ABCC8: variants seen among roughly 807,000 people sequenced by gnomAD.
ABCC8 encodes ATP-binding cassette sub-family C member 8.
ABCC8 carries 137 observed loss-of-function variants against 188.0 expected under a neutral mutation model. That is an observed-to-expected ratio of 0.73 (90% CI 0.63 to 0.84). The LOEUF is 0.84. ABCC8 is among the 40% of genes least tolerant of loss of function. ABCC8 has a pLI of 0.00. For missense variants in ABCC8, 1,750 were observed against 2,072.7 expected (o/e 0.84, Z 3.02); for synonymous variants, 797 against 846.5 (o/e 0.94, Z 1.01).
chr11:17,397,952 C>T (rs999764920), intron 30 of ABCC8, 155 bp from the exon 31 acceptor site: 8 of 944,960 alleles, frequency 8.5e-6, no homozygotes, highest in African/African-American at 1.8e-5. Flanking sequence ...ACAAGGGCTG[C>T]GAAGGCTGGA....
intron 20 of ABCC8, chr11:17,413,074 G>A: frequency 1.7e-6 from 1 of 602,856 alleles, no homozygotes; most frequent in Non-Finnish European, 2.9e-6. Context: ...CTTGTGGAGG[G>A]GACCCCATCT....
At position 17,434,981 on chromosome 11, in the gene ABCC8, T is replaced by TCG. The variant is rs1554928874; in HGVS notation, c.1631-2739_1631-2738dup. On this transcript the variant is annotated intron_variant, in intron 10 of 38. Coordinates refer to ENST00000389817, the MANE Select transcript of ABCC8 (RefSeq NM_000352.6). Reference sequence around the variant, plus strand: ...GAGTAGAATCATCAGCTGCGTGTGTTCGCGTGTGTGTGTGTGTGTGTGTGT... The same window carrying TCG: ...GAGTAGAATCATCAGCTGCGTGTGTTCGCGCGTGTGTGTGTGTGTGTGTGTGT... Among the ~76,000 whole-genome samples, 197 of 127,834 alleles carry TCG rather than the reference T, an allele frequency of 1.5e-3. 2 individuals are homozygous for TCG. Among genetic ancestry groups the TCG allele is most frequent in the Admixed American group, 3.4e-3 (43 of 12,794 alleles). 83.9% of individuals were successfully genotyped at this position (127,834 alleles called of 152,430 possible). A position where few individuals can be genotyped will look rare whatever the true frequency, so the allele number is the denominator to read the frequency against.
chr11:17,454,736 G>C (rs1051118971), intron 6 of ABCC8, among the ~76,000 whole-genome samples: 1 of 152,120 alleles, frequency 6.6e-6, no homozygotes, highest in Non-Finnish European at 1.5e-5. Flanking sequence ...GTTTCAGTAG[G>C]GTTAGTGGCT....
chr11:17,430,830 C>A lies in ABCC8; in HGVS notation c.1801G>T (p.Val601Phe). ...TCCCCTCACCTCACTAGAGCTTTGACGGTAGATCGGACCACACTGGACAGC... is the reference window on the plus strand; with the variant it reads ...TCCCCTCACCTCACTAGAGCTTTGAAGGTAGATCGGACCACACTGGACAGC... ...FLLSSVVRST[V>F]KALVSVQKLS... The change falls in exon 12 of 39, where the codon GTC becomes TTC. Residue 601 changes from valine to phenylalanine, a missense_variant. Physicochemically the swap from Val to Phe is conservative, Grantham distance 50. Coordinates refer to ENST00000389817, the MANE Select transcript of ABCC8 (RefSeq NM_000352.6). 1 of 1,614,158 alleles carries A rather than the reference C, an allele frequency of 6.2e-7. No homozygotes were observed. The highest frequency in any genetic ancestry group is 8.5e-7 in the Non-Finnish European group (1 of 1,180,006).
intron 1 of ABCC8, among the ~76,000 whole-genome samples, chr11:17,476,228 T>C (rs1194791956): frequency 6.6e-6 from 1 of 152,210 alleles, no homozygotes; most frequent in Non-Finnish European, 1.5e-5. Flanking sequence ...CAGCTGCGGC[T>C]GACAGGGAGG....
At chr11:17,416,819 G>T in intron 17 of ABCC8, 111 bp downstream of exon 17, 1 of 1,480,214 alleles carries the variant, frequency 6.8e-7, no homozygotes, top group Non-Finnish European at 9.3e-7. Context: ...AAATATGTAG[G>T]CTGCACATCC....
At chr11:17,408,132 A>C in intron 23 of ABCC8, 1 of 388,594 alleles carries the variant, frequency 2.6e-6, no homozygotes, top group Non-Finnish European at 4.6e-6. Flanking sequence ...TGCCAGTTTG[A>C]GTTGATTTTC....
chr11:17,442,210 A>G (rs752463418), intron 10 of ABCC8, among the ~76,000 whole-genome samples: 1 of 152,212 alleles, frequency 6.6e-6, no homozygotes, highest in Non-Finnish European at 1.5e-5. Flanking sequence ...GTTAATATAA[A>G]TTCAGTCCCT....
At chr11:17,415,432 A>G (rs948390861) in intron 17 of ABCC8, 93 bp from the exon 18 acceptor site, 1 of 1,556,032 alleles carries the variant, frequency 6.4e-7, no homozygotes, top group African/African-American at 1.4e-5. Flanking sequence ...CAACATGAGC[A>G]TGCCTTTACA....
Position 17,476,620 on chromosome 11 carries a change from C to A in ABCC8, c.148+9G>T, listed in dbSNP as rs1338053010. ...GTCCCCTCCTCCGCGGCTCGCTGCG[C>A]GCACTCACCAATGAAGAGGATGGGG... On this transcript the variant is annotated intron_variant, in intron 1 of 38. Transcript: ENST00000389817. The A allele has an allele frequency of 1.2e-6, 2 of 1,610,404 alleles. No homozygotes were observed. Among genetic ancestry groups the A allele is most frequent in the East Asian group, 2.2e-5 (1 of 44,688 alleles).
At chr11:17,458,400 T>A (rs976271284) in intron 6 of ABCC8, among the ~76,000 whole-genome samples, 1 of 152,246 alleles carries the variant, frequency 6.6e-6, no homozygotes, top group African/African-American at 2.4e-5. Flanking sequence ...GCTTTCGCCA[T>A]CTCTTTGGCA....
At chr11:17,444,659 T>A (rs762660959) in intron 8 of ABCC8, among the ~76,000 whole-genome samples, 3 of 152,156 alleles carry the variant, frequency 2.0e-5, no homozygotes, top group Non-Finnish European at 4.4e-5. Flanking sequence ...GGATTCTGAG[T>A]GTGCAAAGCA....
Position 17,398,442 on chromosome 11 carries a change from C to T in ABCC8, c.3651-1G>A, listed in dbSNP as rs768820409. On this transcript the variant is annotated splice_acceptor_variant, in intron 29 of 38. Coordinates refer to ENST00000389817, the MANE Select transcript of ABCC8 (RefSeq NM_000352.6). LOFTEE classifies it high-confidence loss of function. ...CTTCTGCTGGAACCGGGCCTCATAC[C>T]TGGAGGGAGGATGAGAAGCTCCTAA... is the stretch of plus-strand genomic sequence containing the variant. 6.2e-7 allele frequency: 1 copy of T among 1,614,044 alleles called. No individual in the cohort carries two copies. Among genetic ancestry groups the T allele is most frequent in the Non-Finnish European group, 8.5e-7 (1 of 1,179,986 alleles).
intron 2 of ABCC8, among the ~76,000 whole-genome samples, chr11:17,473,137 C>T (rs1848570393): frequency 1.3e-5 from 2 of 152,218 alleles, no homozygotes; most frequent in Admixed American, 1.3e-4. Context: ...AGCTGGTACA[C>T]AGCAGCAGTG....
At chr11:17,468,522 T>C (rs1233367172) in intron 3 of ABCC8, among the ~76,000 whole-genome samples, 1 of 152,180 alleles carries the variant, frequency 6.6e-6, no homozygotes, top group Non-Finnish European at 1.5e-5. Context: ...GCACAGATGC[T>C]AGACTCCCGG....
intron 2 of ABCC8, among the ~76,000 whole-genome samples, chr11:17,473,504 A>G (rs2283255): frequency 0.6 from 91,519 of 151,864 alleles, 27,811 homozygotes; most frequent in Middle Eastern, 0.71. Context: ...GCCAGGCAGC[A>G]CTGCAGGAGT....
intron 11 of ABCC8, 154 bp from the exon 12 acceptor site, chr11:17,431,113 A>AG: frequency 7.9e-7 from 1 of 1,259,242 alleles, no homozygotes; most frequent in Non-Finnish European, 1.1e-6. Flanking sequence ...TCATCCCCAC[A>AG]GTCATCTCAT....
intron 18 of ABCC8, 123 bp downstream of exon 18, chr11:17,415,181 G>T: frequency 1.4e-6 from 2 of 1,398,426 alleles, no homozygotes; most frequent in Non-Finnish European, 2.0e-6. Context: ...GGCCCTCCCT[G>T]GCCTCCCCCA....
At chr11:17,434,917 G>A (rs1956008826) in intron 10 of ABCC8, among the ~76,000 whole-genome samples, 1 of 152,024 alleles carries the variant, frequency 6.6e-6, no homozygotes, top group Non-Finnish European at 1.5e-5. Flanking sequence ...CAGCCTTTGT[G>A]CAGGGAGTTC....
Sources: allele counts gnomAD v4.1 joint callset (sites outside exome capture counted in the v4.1 genomes callset), GRCh38; gene constraint gnomAD v4.1.1; transcripts MANE v1.5; gene names NCBI Gene and HGNC (gene_info 2026-07-23, HGNC 2026-07-21).